Variants in COL19A1 observed in about 807,000 individuals in gnomAD.
COL19A1 encodes the protein collagen alpha-1(XIX) chain.
Under a neutral mutation model 190.2 loss-of-function variants are expected in COL19A1, and 159 were observed. The observed-to-expected ratio is 0.84, with a 90% CI of 0.73 to 0.95. COL19A1 has a LOEUF of 0.95. Ranked by LOEUF, COL19A1 falls within the 40% of genes least tolerant of loss-of-function variation. The probability of loss-of-function intolerance (pLI) is 0.00; values close to 1 mark genes in which losing one functional copy is unlikely to be tolerated. For missense variants in COL19A1, 1,418 were observed against 1,431.9 expected (o/e 0.99, Z 0.16); for synonymous variants, 509 against 458.9 (o/e 1.11, Z -1.39).
chr6:69,955,524 T>A (rs1271536411), intron 9 of COL19A1, among the ~76,000 whole-genome samples: 3 of 61,754 alleles, frequency 4.9e-5, no homozygotes, highest in Non-Finnish European at 9.9e-5. Context: ...CACAGCAAAG[T>A]GTGTGTGTGT....
intron 1 of COL19A1, among the ~76,000 whole-genome samples, chr6:69,875,698 G>A (rs1768089385): frequency 1.3e-5 from 2 of 152,120 alleles, no homozygotes; most frequent in South Asian, 4.1e-4. Context: ...ACTGAGACTG[G>A]GAAGAGCATG....
intron 4 of COL19A1, among the ~76,000 whole-genome samples, chr6:69,903,635 T>C (rs752284573): frequency 6.6e-6 from 1 of 152,168 alleles, no homozygotes; most frequent in Non-Finnish European, 1.5e-5. Context: ...CTAACTGCTT[T>C]TCTATCAAGG....
chr6:69,912,021 G>A (rs540133957), intron 4 of COL19A1, among the ~76,000 whole-genome samples: 14 of 152,264 alleles, frequency 9.2e-5, no homozygotes, highest in South Asian at 2.1e-4. Flanking sequence ...CATAGTTGCC[G>A]GTGACAGCTG....
chr6:69,979,702 T>C (rs1775937528), intron 11 of COL19A1, among the ~76,000 whole-genome samples: 1 of 151,590 alleles, frequency 6.6e-6, no homozygotes, highest in African/African-American at 2.4e-5. Flanking sequence ...ACTCTATAGG[T>C]AGAAAATCTA....
chr6:70,034,630 T>C (rs940949882), intron 13 of COL19A1, among the ~76,000 whole-genome samples: 1 of 152,182 alleles, frequency 6.6e-6, no homozygotes, highest in Admixed American at 6.5e-5. Context: ...GCTGCCATAA[T>C]GGTGAGGCAA....
chr6:70,176,008 A>G (rs755920479), intron 41 of COL19A1, among the ~76,000 whole-genome samples: 3 of 152,178 alleles, frequency 2.0e-5, no homozygotes, highest in African/African-American at 7.2e-5. Context: ...AAAGGAGTTG[A>G]GTCACTCTGT....
At chr6:69,978,640 A>C (rs1246078406) in intron 11 of COL19A1, among the ~76,000 whole-genome samples, 1 of 151,684 alleles carries the variant, frequency 6.6e-6, no homozygotes, top group African/African-American at 2.4e-5. Context: ...TAAAGAAGAA[A>C]ATATAAAAAT....
intron 14 of COL19A1, among the ~76,000 whole-genome samples, chr6:70,040,561 T>C (rs1403293800): frequency 1.3e-5 from 2 of 152,216 alleles, no homozygotes. Flanking sequence ...TACCCCTTTA[T>C]TATTTCAGGA....
intron 14 of COL19A1, among the ~76,000 whole-genome samples, chr6:70,041,606 G>A (rs1011764247): frequency 3.3e-5 from 5 of 151,968 alleles, no homozygotes; most frequent in African/African-American, 4.8e-5. Context: ...ATTGTCCAAG[G>A]TTCACAGATG....
chr6:70,206,408 C>A (rs961013180), intron 49 of COL19A1, among the ~76,000 whole-genome samples: 4 of 152,140 alleles, frequency 2.6e-5, no homozygotes, highest in Admixed American at 2.6e-4. Context: ...GCGGGCAGAT[C>A]ACCTGAGGTC....
intron 11 of COL19A1, among the ~76,000 whole-genome samples, chr6:69,966,210 G>A (rs997740421): frequency 2.0e-5 from 3 of 151,562 alleles, no homozygotes; most frequent in Non-Finnish European, 4.4e-5. Flanking sequence ...ACCTCTGCCC[G>A]GCCGCCCCGT....
chr6:69,911,602 T>A (rs1770923045), intron 4 of COL19A1, among the ~76,000 whole-genome samples: 1 of 152,222 alleles, frequency 6.6e-6, no homozygotes, highest in African/African-American at 2.4e-5. Flanking sequence ...GACCAGATGT[T>A]TTGTGTTCAA....
At chr6:70,003,796 C>CA (rs1188116338) in intron 11 of COL19A1, among the ~76,000 whole-genome samples, 1 of 152,154 alleles carries the variant, frequency 6.6e-6, no homozygotes, top group Non-Finnish European at 1.5e-5. Flanking sequence ...CTCCTGAATA[C>CA]AGCACAGCAA....
intron 44 of COL19A1, among the ~76,000 whole-genome samples, chr6:70,182,042 C>A (rs1007761827): frequency 1.3e-5 from 2 of 152,136 alleles, no homozygotes; most frequent in African/African-American, 2.4e-5. Context: ...GCTTTTGTAG[C>A]AAATAATGAA....
chr6:70,102,064 C>A, intron 15 of COL19A1, 105 bp from the exon 16 acceptor site: 1 of 976,940 alleles, frequency 1.0e-6, no homozygotes, highest in Non-Finnish European at 1.6e-6. Flanking sequence ...TGTTTCTTAA[C>A]TTTCTGTTCA....
At chr6:70,065,401 C>A (rs1047813748) in intron 14 of COL19A1, among the ~76,000 whole-genome samples, 9 of 152,174 alleles carry the variant, frequency 5.9e-5, no homozygotes, top group Non-Finnish European at 7.3e-5. Context: ...AACGGGCTAG[C>A]CGTATGTAGA....
chr6:70,094,653 G>T (rs996469286), intron 15 of COL19A1, among the ~76,000 whole-genome samples: 2 of 152,098 alleles, frequency 1.3e-5, no homozygotes, highest in Non-Finnish European at 2.9e-5. Flanking sequence ...TTCTAAGAGG[G>T]CCAAATGTTT....
intron 16 of COL19A1, among the ~76,000 whole-genome samples, chr6:70,112,847 G>A (rs1316159074): frequency 1.3e-5 from 2 of 152,040 alleles, no homozygotes; most frequent in South Asian, 2.1e-4. Context: ...AACCATAAAC[G>A]GCCTATGCTT....
chr6:70,037,062 T>C (rs1293680608), intron 14 of COL19A1, among the ~76,000 whole-genome samples: 1 of 152,190 alleles, frequency 6.6e-6, no homozygotes, highest in African/African-American at 2.4e-5. Context: ...AGTTTATGCT[T>C]TAAGCTTTTA....
Sources: gnomAD v4.1 joint callset for allele counts (sites outside exome capture counted in the v4.1 genomes callset) on GRCh38, gnomAD v4.1.1 for gene constraint, MANE v1.5 for transcripts, NCBI Gene and HGNC (gene_info 2026-07-23, HGNC 2026-07-21) for gene names.